The following TSPAN18 variants were observed in gnomAD, a reference collection of about 807,000 sequenced individuals.
TSPAN18 encodes tetraspanin 18.
TSPAN18 carries 14 observed loss-of-function variants against 27.3 expected under a neutral mutation model. The observed-to-expected ratio is 0.51, with a 90% CI of 0.34 to 0.80. The LOEUF (loss-of-function observed/expected upper bound fraction) is 0.80. Ranked by LOEUF, TSPAN18 falls within the 30% of genes least tolerant of loss-of-function variation. The pLI is 0.01. For missense variants in TSPAN18, 268 were observed against 323.9 expected, an observed-to-expected ratio of 0.83 and a Z score of 1.32; for synonymous variants, 143 against 136.5, an observed-to-expected ratio of 1.05 and a Z score of -0.33.
chr11:44,827,716 T>C (rs1483413989), intron 2 of TSPAN18, among the ~76,000 whole-genome samples: 1 of 152,194 alleles, frequency 6.6e-6, no homozygotes, highest in Non-Finnish European at 1.5e-5. Context: ...ACAAAAGATA[T>C]CTTTCCATGT....
At chr11:44,781,348 A>G (rs1421184822) in intron 2 of TSPAN18, among the ~76,000 whole-genome samples, 3 of 152,210 alleles carry the variant, frequency 2.0e-5, no homozygotes, top group African/African-American at 7.2e-5. Flanking sequence ...TGGGGAAACC[A>G]TGAGGTGGCT....
chr11:44,824,369 C>T (rs576448566), intron 2 of TSPAN18, among the ~76,000 whole-genome samples: 62 of 152,330 alleles, frequency 4.1e-4, no homozygotes, highest in African/African-American at 1.4e-3. Flanking sequence ...TGATCACCCA[C>T]CCCCAACTGG....
intron 3 of TSPAN18, among the ~76,000 whole-genome samples, chr11:44,905,651 C>T (rs999003122): frequency 2.0e-5 from 3 of 152,342 alleles, no homozygotes; most frequent in Admixed American, 1.3e-4. Context: ...AGTGCAGCCC[C>T]GGCTGTGCCT....
At chr11:44,775,656 G>A (rs1855789974) in intron 2 of TSPAN18, among the ~76,000 whole-genome samples, 2 of 152,104 alleles carry the variant, frequency 1.3e-5, no homozygotes, top group Admixed American at 6.5e-5. Flanking sequence ...TTTCTCCAGC[G>A]TCCGCCAGCA....
At chr11:44,762,725 C>T (rs973849640) in intron 1 of TSPAN18, among the ~76,000 whole-genome samples, 9 of 152,078 alleles carry the variant, frequency 5.9e-5, no homozygotes, top group African/African-American at 1.2e-4. Flanking sequence ...GGTCCCCCTG[C>T]GCTGACACTG....
intron 3 of TSPAN18, among the ~76,000 whole-genome samples, chr11:44,905,159 C>T (rs1235737355): frequency 6.6e-6 from 1 of 152,074 alleles, no homozygotes; most frequent in Non-Finnish European, 1.5e-5. Context: ...TAATAATAAG[C>T]CTCCCAGAAA....
At chr11:44,819,241 C>T (rs1369312347) in intron 2 of TSPAN18, among the ~76,000 whole-genome samples, 1 of 152,122 alleles carries the variant, frequency 6.6e-6, no homozygotes, top group African/African-American at 2.4e-5. Context: ...GCTCTGTGCC[C>T]CTGGCTGGGA....
At chr11:44,751,292 G>A (rs1023336749) in intron 1 of TSPAN18, among the ~76,000 whole-genome samples, 2 of 152,162 alleles carry the variant, frequency 1.3e-5, no homozygotes, top group African/African-American at 4.8e-5. Flanking sequence ...GCCTGACCCT[G>A]GCAGCCTGGC....
chr11:44,860,231 A>C (rs1857841679), intron 2 of TSPAN18, 97 bp from the exon 3 acceptor site: 1 of 152,072 alleles, frequency 6.6e-6, no homozygotes, highest in African/African-American at 2.4e-5. Context: ...TGGTTCCATC[A>C]CTTCGCCTCC....
intron 2 of TSPAN18, among the ~76,000 whole-genome samples, chr11:44,770,695 G>A (rs1257649749): frequency 1.3e-5 from 2 of 152,158 alleles, no homozygotes; most frequent in Admixed American, 6.5e-5. Context: ...AGTCTGCAGC[G>A]GGCAGGGAGA....
At chr11:44,896,557 GGGGT>G (rs1236943003) in intron 3 of TSPAN18, among the ~76,000 whole-genome samples, 1 of 152,108 alleles carries the variant, frequency 6.6e-6, no homozygotes, top group Non-Finnish European at 1.5e-5. Context: ...AGGCCAAATA[GGGGT>G]GCCAGCTCCC....
chr11:44,799,647 CA>C (rs985780828), intron 2 of TSPAN18, among the ~76,000 whole-genome samples: 1 of 152,172 alleles, frequency 6.6e-6, no homozygotes, highest in Non-Finnish European at 1.5e-5. Context: ...TTTCTGTGGT[CA>C]CAGCAACCCA....
chr11:44,857,263 G>C (rs1478917820), intron 2 of TSPAN18, among the ~76,000 whole-genome samples: 2 of 152,250 alleles, frequency 1.3e-5, no homozygotes, highest in Non-Finnish European at 2.9e-5. Context: ...GCACTTTACA[G>C]TTTGCATGAA....
At chr11:44,781,629 T>C (rs1019612683) in intron 2 of TSPAN18, among the ~76,000 whole-genome samples, 4 of 152,210 alleles carry the variant, frequency 2.6e-5, no homozygotes, top group Admixed American at 6.5e-5. Flanking sequence ...CCCAGGACTC[T>C]GGAGTCTTTT....
chr11:44,744,154 A>T (rs1855016151), intron 1 of TSPAN18, among the ~76,000 whole-genome samples: 1 of 152,184 alleles, frequency 6.6e-6, no homozygotes, highest in Admixed American at 6.5e-5. Flanking sequence ...CTGCTGCTGG[A>T]AACACCTCCA....
intron 3 of TSPAN18, chr11:44,897,904 T>C: frequency 2.4e-6 from 3 of 1,267,380 alleles, no homozygotes; most frequent in Non-Finnish European, 3.1e-6. Flanking sequence ...ATCTCCACTC[T>C]GATCCTTTCC....
intron 4 of TSPAN18, among the ~76,000 whole-genome samples, chr11:44,908,814 A>AAG (rs1554938130): frequency 8.7e-6 from 1 of 114,798 alleles, no homozygotes; most frequent in Non-Finnish European, 1.8e-5. Context: ...AAAGAAAGAA[A>AAG]GAAAGAAAGA....
At chr11:44,876,092 G>A (rs111486425) in intron 3 of TSPAN18, among the ~76,000 whole-genome samples, 39 of 152,204 alleles carry the variant, frequency 2.6e-4, no homozygotes, top group African/African-American at 8.9e-4. Context: ...CTGGAGCTCC[G>A]GAGAGGAAGG....
chr11:44,882,627 C>CACACACAGAG (rs375349718), intron 3 of TSPAN18, among the ~76,000 whole-genome samples: 7,876 of 130,410 alleles, frequency 0.06, 290 homozygotes, highest in Middle Eastern at 0.078. Flanking sequence ...CACACACACA[C>CACACACAGAG]AGAGAGAGAG....
Sources: gnomAD v4.1 joint callset for allele counts (sites outside exome capture counted in the v4.1 genomes callset) on GRCh38, gnomAD v4.1.1 for gene constraint, MANE v1.5 for transcripts, NCBI Gene and HGNC (gene_info 2026-07-23, HGNC 2026-07-21) for gene names.